The following ACAD10 variants were observed in gnomAD, a reference collection of about 807,000 sequenced individuals.
ACAD10 encodes the protein ACAD-10.
ACAD10 carries 112 observed loss-of-function variants against 116.8 expected under a neutral mutation model. The observed-to-expected ratio is 0.96, with a 90% confidence interval of 0.82 to 1.12. The LOEUF (loss-of-function observed/expected upper bound fraction) is 1.12. Ranked by LOEUF, ACAD10 falls within the 50% of genes most tolerant of loss-of-function variation. ACAD10 has a pLI of 0.00. For synonymous variants in ACAD10, 486 were observed against 510.6 expected, an observed-to-expected ratio of 0.95 and a Z score of 0.65; for missense variants, 1,259 against 1,350.2, an observed-to-expected ratio of 0.93 and a Z score of 1.06.
intron 2 of ACAD10, among the ~76,000 whole-genome samples, chr12:111,700,368 G>C (rs1235962567): frequency 2.0e-5 from 3 of 152,116 alleles, no homozygotes; most frequent in Non-Finnish European, 4.4e-5. Context: ...GAGCAATTCT[G>C]CACAAACAAC....
chr12:111,720,024 G>T (rs1332701382), intron 7 of ACAD10, among the ~76,000 whole-genome samples: 2 of 152,038 alleles, frequency 1.3e-5, no homozygotes, highest in East Asian at 3.9e-4. Flanking sequence ...ACCAAGCCTG[G>T]CCCTAATTTT....
intron 18 of ACAD10, among the ~76,000 whole-genome samples, chr12:111,750,894 G>A (rs1890055923): frequency 1.3e-5 from 2 of 152,264 alleles, no homozygotes; most frequent in Middle Eastern, 3.4e-3. Flanking sequence ...TTTTATTACC[G>A]AGCAAACCTG....
intron 5 of ACAD10, among the ~76,000 whole-genome samples, chr12:111,711,988 A>G (rs796587012): frequency 1.2e-4 from 19 of 152,242 alleles, no homozygotes; most frequent in African/African-American, 4.6e-4. Context: ...TTTTCTCAGC[A>G]TTTTACAAGT....
intron 1 of ACAD10, among the ~76,000 whole-genome samples, chr12:111,688,574 G>A (rs1430061232): frequency 6.6e-6 from 1 of 152,064 alleles, no homozygotes; most frequent in Non-Finnish European, 1.5e-5. Flanking sequence ...GGCCGAGGCC[G>A]GTGGATCACT....
chr12:111,748,497 C>A, intron 17 of ACAD10, 22 bp downstream of exon 17: 1 of 1,611,942 alleles, frequency 6.2e-7, no homozygotes, highest in South Asian at 1.1e-5. Flanking sequence ...AGGGGCGGGT[C>A]ACCCCTGGGT....
chr12:111,709,816 T>C (rs1054970749), intron 5 of ACAD10, 132 bp downstream of exon 5: 1 of 1,055,614 alleles, frequency 9.5e-7, no homozygotes, highest in African/African-American at 1.6e-5. Flanking sequence ...TCATCTTATT[T>C]TGTGTTAATT....
intron 1 of ACAD10, among the ~76,000 whole-genome samples, chr12:111,688,737 G>C (rs997117592): frequency 1.3e-5 from 2 of 151,256 alleles, no homozygotes; most frequent in African/African-American, 4.9e-5. Context: ...CCTGGGAGGC[G>C]GTTGCAGTGA....
At chr12:111,752,349 A>G (rs2135994726) in intron 18 of ACAD10, among the ~76,000 whole-genome samples, 1 of 152,056 alleles carries the variant, frequency 6.6e-6, no homozygotes, top group East Asian at 1.9e-4. Context: ...CATGCCTGTA[A>G]TCCCAGCACT....
At chr12:111,698,119 C>T (rs1888242366) in intron 2 of ACAD10, among the ~76,000 whole-genome samples, 1 of 151,226 alleles carries the variant, frequency 6.6e-6, no homozygotes, top group Admixed American at 6.6e-5. Context: ...CTCAGCCTCT[C>T]GAGTAGCTGG....
intron 2 of ACAD10, 109 bp from the exon 3 acceptor site, chr12:111,702,053 C>A: frequency 1.7e-6 from 2 of 1,205,948 alleles, no homozygotes; most frequent in Non-Finnish European, 2.3e-6. Flanking sequence ...ACAGCATCCA[C>A]CCTGGCAGTA....
intron 5 of ACAD10, chr12:111,709,890 A>C: frequency 1.7e-6 from 1 of 578,910 alleles, no homozygotes; most frequent in South Asian, 2.2e-5. Flanking sequence ...GGTACTGCGA[A>C]GGCAGGTTGA....
At chr12:111,689,576 A>G (rs1441802598) in intron 1 of ACAD10, among the ~76,000 whole-genome samples, 1 of 150,896 alleles carries the variant, frequency 6.6e-6, no homozygotes, top group Non-Finnish European at 1.5e-5. Context: ...GGGGCTTCAC[A>G]ATGTTGACCA....
At chr12:111,712,693 C>A in intron 6 of ACAD10, 36 bp downstream of exon 6, 1 of 1,604,610 alleles carries the variant, frequency 6.2e-7, no homozygotes, top group Non-Finnish European at 8.5e-7. Flanking sequence ...GTAGCTCTCT[C>A]CAAGGCGAAG....
At chr12:111,686,960 T>C (rs938944251) in intron 1 of ACAD10, among the ~76,000 whole-genome samples, 3 of 152,204 alleles carry the variant, frequency 2.0e-5, no homozygotes, top group East Asian at 3.8e-4. Context: ...TGGCATGATA[T>C]CATGTCCTCA....
At chr12:111,703,681 T>A (rs2135950904) in intron 3 of ACAD10, among the ~76,000 whole-genome samples, 1 of 151,844 alleles carries the variant, frequency 6.6e-6, no homozygotes, top group African/African-American at 2.4e-5. Context: ...CTACTAAAAA[T>A]ACAAAATTTA....
chr12:111,725,114 A>G (rs1889175380), intron 8 of ACAD10, among the ~76,000 whole-genome samples: 1 of 152,094 alleles, frequency 6.6e-6, no homozygotes, highest in South Asian at 2.1e-4. Context: ...TATTTTCTGT[A>G]TATGTGTGTG....
At chr12:111,736,747 C>A in intron 11 of ACAD10, 84 bp from the exon 12 acceptor site, 1 of 1,425,772 alleles carries the variant, frequency 7.0e-7, no homozygotes, top group Non-Finnish European at 9.4e-7. Flanking sequence ...AGGGACATGG[C>A]GATTTTCAGA....
At chr12:111,727,913 T>G in intron 8 of ACAD10, 49 bp from the exon 9 acceptor site, 2 of 1,542,470 alleles carry the variant, frequency 1.3e-6, no homozygotes, top group Non-Finnish European at 1.8e-6. Flanking sequence ...ACTAACAGCC[T>G]GCCACATTAT....
chr12:111,695,908 G>A (rs1888177388), intron 2 of ACAD10, among the ~76,000 whole-genome samples: 1 of 151,726 alleles, frequency 6.6e-6, no homozygotes, highest in Non-Finnish European at 1.5e-5. Flanking sequence ...CAGCTACTCT[G>A]GAGGCTGAGC....
Sources: gnomAD v4.1 joint callset for allele counts (sites outside exome capture counted in the v4.1 genomes callset) on GRCh38, gnomAD v4.1.1 for gene constraint, MANE v1.5 for transcripts, NCBI Gene and HGNC (gene_info 2026-07-23, HGNC 2026-07-21) for gene names.